Variants in MYO10 observed in about 807,000 individuals in gnomAD.
MYO10 encodes the protein unconventional myosin-X.
Under a neutral mutation model 257.3 loss-of-function variants are expected in MYO10, and 133 were observed. The ratio of observed to expected loss-of-function variants is 0.52; its 90% CI spans 0.45 to 0.60. The LOEUF is 0.60. MYO10 is among the 20% of genes least tolerant of loss of function. The probability of loss-of-function intolerance (pLI) is 0.00; values close to 1 mark genes in which losing one functional copy is unlikely to be tolerated. For missense variants in MYO10, 2,399 were observed against 2,635.7 expected (o/e 0.91, Z 1.97); for synonymous variants, 1,104 against 1,028.6 (o/e 1.07, Z -1.40).
In MYO10 at chr5:16,665,594, C is replaced by T. The variant is rs1235925821; in HGVS notation, c.*1098G>A. The T allele has an allele frequency of 6.6e-6, 1 of 152,218 alleles. No homozygotes were observed. The highest frequency in any genetic ancestry group is 1.5e-5 in the Non-Finnish European group (1 of 68,046). 9.4% of individuals were successfully genotyped at this position (152,218 alleles called of 1,614,324 possible). ...AATGTCAGGGTCCTTTGAAGATTCA[C>T]TCAAGTGTTAAGACGTTTCTGGAAT... On this transcript the variant is annotated 3_prime_UTR_variant, in exon 41 of 41. Coordinates refer to ENST00000513610, the MANE Select transcript of MYO10 (RefSeq NM_012334.3).
At chr5:16,860,501 T>A (rs1744077075) in intron 2 of MYO10, among the ~76,000 whole-genome samples, 1 of 151,942 alleles carries the variant, frequency 6.6e-6, no homozygotes, top group East Asian at 1.9e-4. Flanking sequence ...TTGAAATGAG[T>A]CAAAAAACCC....
intron 1 of MYO10, among the ~76,000 whole-genome samples, chr5:16,918,351 C>T (rs1477455221): frequency 6.6e-6 from 1 of 152,140 alleles, no homozygotes; most frequent in Non-Finnish European, 1.5e-5. Flanking sequence ...AGCAAATACA[C>T]TTTCCCTCAA....
chr5:16,726,847 C>A (rs888073747), intron 19 of MYO10, among the ~76,000 whole-genome samples: 6 of 152,290 alleles, frequency 3.9e-5, no homozygotes, highest in African/African-American at 1.4e-4. Context: ...CCAGCCATAT[C>A]CGGCCTGCCA....
chr5:16,802,670 A>AG (rs1423670742), intron 3 of MYO10, among the ~76,000 whole-genome samples: 60 of 150,852 alleles, frequency 4.0e-4, no homozygotes, highest in African/African-American at 4.1e-4. Context: ...AAAAAAAAAA[A>AG]AAAGAAAGAA....
chr5:16,686,627 C>T (rs1266399523), intron 28 of MYO10, among the ~76,000 whole-genome samples: 9 of 151,972 alleles, frequency 5.9e-5, no homozygotes, highest in Admixed American at 1.3e-4. Context: ...CTCCGCCTCC[C>T]GGGTTCAAGT....
At chr5:16,870,209 C>T (rs1239626524) in intron 2 of MYO10, among the ~76,000 whole-genome samples, 10 of 98,046 alleles carry the variant, frequency 1.0e-4, no homozygotes, top group Non-Finnish European at 1.7e-4. Flanking sequence ...GGAAAAGCTT[C>T]GAAGTGCAAG....
chr5:16,929,450 G>C (rs1341292148), intron 1 of MYO10, among the ~76,000 whole-genome samples: 1 of 152,122 alleles, frequency 6.6e-6, no homozygotes, highest in Non-Finnish European at 1.5e-5. Flanking sequence ...ACATCAACAG[G>C]ACAGAAAAGC....
intron 1 of MYO10, among the ~76,000 whole-genome samples, chr5:16,880,029 ACTTAGC>A (rs1314275846): frequency 1.3e-5 from 2 of 152,078 alleles, no homozygotes; most frequent in Non-Finnish European, 2.9e-5. Flanking sequence ...AAAGTACAAA[ACTTAGC>A]CAGACATGGT....
intron 19 of MYO10, among the ~76,000 whole-genome samples, chr5:16,723,883 A>T (rs1229387787): frequency 3.9e-5 from 6 of 152,260 alleles, no homozygotes; most frequent in Admixed American, 3.3e-4. Context: ...GACTCCAATT[A>T]TATGACATCC....
chr5:16,685,587 T>C lies in MYO10; in HGVS notation c.3990+151A>G, dbSNP rs1737213907. On this transcript the variant is annotated intron_variant, in intron 29 of 40. Transcript: ENST00000513610. ...TTATTGTATTGATTCTAAACTCAAA[T>C]GGTCCTGTTTTTCTCCTTAATTATT... 3 of 611,632 alleles carry C rather than the reference T, an allele frequency of 4.9e-6. No individual in the cohort carries two copies. In the South Asian group the frequency reaches 5.9e-5, roughly 12 times the overall value. 37.9% of individuals were successfully genotyped at this position (611,632 alleles called of 1,614,324 possible).
intron 19 of MYO10, 69 bp from the exon 20 acceptor site, chr5:16,711,314 A>G: frequency 6.7e-7 from 1 of 1,488,076 alleles, no homozygotes; most frequent in Non-Finnish European, 9.2e-7. Flanking sequence ...GAGGCTTAAT[A>G]AAGCCACCTC....
Position 16,664,539 on chromosome 5 carries a change from C to T in MYO10, c.*2153G>A, listed in dbSNP as rs1211450067. 4 of 152,154 alleles carry T rather than the reference C, an allele frequency of 2.6e-5. No homozygotes were observed. The highest frequency in any genetic ancestry group is 2.1e-4 in the South Asian group (1 of 4,830). The allele number at this position is 152,154 out of a possible 1,614,324, so 9.4% of individuals were successfully genotyped here. ...CCCTGCAGAATGGGAAGAAGCCATC[C>T]GTGAGCATGAGCAGAGGGTGGGAGT... On this transcript the variant is annotated 3_prime_UTR_variant, in exon 41 of 41. Transcript: ENST00000513610.
chr5:16,703,236 C>A, intron 22 of MYO10, 78 bp from the exon 23 acceptor site: 4 of 1,136,182 alleles, frequency 3.5e-6, no homozygotes, highest in South Asian at 3.1e-5. Flanking sequence ...CACATCAAGG[C>A]TACAAGACAA....
At chr5:16,926,098 T>C (rs1746124592) in intron 1 of MYO10, among the ~76,000 whole-genome samples, 1 of 152,182 alleles carries the variant, frequency 6.6e-6, no homozygotes, top group South Asian at 2.1e-4. Context: ...GACCCTGATG[T>C]GATTATATGA....
chr5:16,844,867 C>A (rs560924015), intron 2 of MYO10, among the ~76,000 whole-genome samples: 1 of 151,998 alleles, frequency 6.6e-6, no homozygotes, highest in African/African-American at 2.4e-5. Context: ...GCTGTCCACC[C>A]CTTCTTACAT....
intron 3 of MYO10, among the ~76,000 whole-genome samples, chr5:16,796,194 AAAAAAAAAAG>A (rs1741940640): frequency 7.8e-6 from 1 of 128,636 alleles, no homozygotes; most frequent in African/African-American, 2.7e-5. Context: ...GTCAAAAAAA[AAAAAAAAAAG>A]AAAGAACAGA....
At chr5:16,898,935 T>G (rs1386786272) in intron 1 of MYO10, among the ~76,000 whole-genome samples, 1 of 114,476 alleles carries the variant, frequency 8.7e-6, no homozygotes, top group South Asian at 3.1e-4. Flanking sequence ...CACCTGAGCC[T>G]GGCCACCTGG....
intron 1 of MYO10, among the ~76,000 whole-genome samples, chr5:16,878,433 C>T (rs559284164): frequency 6.6e-6 from 1 of 152,322 alleles, no homozygotes; most frequent in Non-Finnish European, 1.5e-5. Flanking sequence ...CCAGATCCCA[C>T]GTTTTAAATC....
At chr5:16,917,374 G>T (rs566609675) in intron 1 of MYO10, among the ~76,000 whole-genome samples, 57 of 152,162 alleles carry the variant, frequency 3.7e-4, no homozygotes, top group African/African-American at 1.2e-3. Context: ...TATTAGACTG[G>T]ATCAATCTTC....
Sources: gnomAD v4.1 joint callset for allele counts (sites outside exome capture counted in the v4.1 genomes callset) on GRCh38, gnomAD v4.1.1 for gene constraint, MANE v1.5 for transcripts, NCBI Gene and HGNC (gene_info 2026-07-23, HGNC 2026-07-21) for gene names.